SLIT1: variants seen among roughly 807,000 people sequenced by gnomAD.
The protein encoded by SLIT1 is slit homolog 1 protein.
SLIT1 carries 66 observed loss-of-function variants against 186.1 expected under a neutral mutation model. The observed-to-expected ratio is 0.35, with a 90% confidence interval of 0.29 to 0.44. The LOEUF is 0.44. Among genes scored for constraint, SLIT1 ranks in the 20% least tolerant of loss-of-function variants. The pLI, the probability that SLIT1 is intolerant of heterozygous loss-of-function variation, is 1.00. For missense variants in SLIT1, 1,638 were observed against 2,037.4 expected, an observed-to-expected ratio of 0.80 and a Z score of 3.77; for synonymous variants, 761 against 833.8, an observed-to-expected ratio of 0.91 and a Z score of 1.50.
intron 4 of SLIT1, among the ~76,000 whole-genome samples, chr10:97,077,977 G>A (rs1189553633): frequency 6.6e-6 from 1 of 152,128 alleles, no homozygotes; most frequent in Non-Finnish European, 1.5e-5. Context: ...AGGTGTGTTA[G>A]TGTGTCTGTG....
chr10:97,178,790 A>AGTGT (rs57432718), intron 1 of SLIT1, among the ~76,000 whole-genome samples: 5 of 150,680 alleles, frequency 3.3e-5, no homozygotes, highest in South Asian at 2.1e-4. Context: ...AGAGAGAGAA[A>AGTGT]GTGTGTGTGT....
chr10:97,001,557 C>T (rs779639812), intron 36 of SLIT1, among the ~76,000 whole-genome samples: 1 of 152,144 alleles, frequency 6.6e-6, no homozygotes, highest in Non-Finnish European at 1.5e-5. Flanking sequence ...CTGGTCCTAG[C>T]GTCAGGGCCC....
chr10:97,049,207 G>A (rs1440753465), intron 13 of SLIT1, 89 bp from the exon 14 acceptor site: 18 of 1,459,854 alleles, frequency 1.2e-5, no homozygotes, highest in Admixed American at 2.0e-5. Context: ...TGTGGCTGGG[G>A]CCAAGGAGGC....
intron 4 of SLIT1, among the ~76,000 whole-genome samples, chr10:97,070,835 T>C (rs920419096): frequency 1.4e-4 from 22 of 152,316 alleles, no homozygotes; most frequent in African/African-American, 5.1e-4. Context: ...TTTTTGTTTT[T>C]TTAGAGACAA....
chr10:97,116,635 C>A (rs1430353138), intron 4 of SLIT1, among the ~76,000 whole-genome samples: 3 of 152,224 alleles, frequency 2.0e-5, no homozygotes, highest in African/African-American at 4.8e-5. Flanking sequence ...CCAATTAACA[C>A]TCTCAAGAAT....
intron 3 of SLIT1, among the ~76,000 whole-genome samples, chr10:97,162,978 C>A (rs1297318756): frequency 1.3e-5 from 2 of 152,244 alleles, no homozygotes; most frequent in African/African-American, 4.8e-5. Context: ...ACCTAAGACA[C>A]CAATCCCCCG....
intron 4 of SLIT1, among the ~76,000 whole-genome samples, chr10:97,147,335 G>A (rs1211558471): frequency 3.3e-5 from 5 of 152,110 alleles, no homozygotes; most frequent in Non-Finnish European, 7.4e-5. Flanking sequence ...AAACATTTTG[G>A]GTATAGATAG....
At chr10:97,179,800 T>TCCCCCCCCCCCCCCCCCCACCCCCCC (rs150754287) in intron 1 of SLIT1, among the ~76,000 whole-genome samples, 1 of 126,384 alleles carries the variant, frequency 7.9e-6, no homozygotes, top group Non-Finnish European at 1.8e-5. Context: ...CTCCACACCC[T>TCCCCCCCCCCCCCCCCCCACCCCCCC]CCCCGCCCCC....
chr10:97,087,177 A>C (rs1467517819), intron 4 of SLIT1, among the ~76,000 whole-genome samples: 8 of 145,350 alleles, frequency 5.5e-5, no homozygotes, highest in South Asian at 2.3e-4. Flanking sequence ...TGCCGCCACC[A>C]CCCCCCAGCC....
intron 4 of SLIT1, among the ~76,000 whole-genome samples, chr10:97,151,703 T>C (rs1026317105): frequency 1.2e-4 from 18 of 152,154 alleles, no homozygotes; most frequent in Non-Finnish European, 2.4e-4. Flanking sequence ...ACATACCCGC[T>C]GAGCTTGCAT....
intron 6 of SLIT1, 43 bp from the exon 7 acceptor site, chr10:97,064,282 G>C (rs1405178642): frequency 1.9e-6 from 3 of 1,548,364 alleles, no homozygotes; most frequent in Non-Finnish European, 2.7e-6. Flanking sequence ...TGCCCAGCAG[G>C]AGATGATGTG....
chr10:97,136,532 A>G (rs1425304694), intron 4 of SLIT1, among the ~76,000 whole-genome samples: 1 of 152,204 alleles, frequency 6.6e-6, no homozygotes, highest in East Asian at 1.9e-4. Flanking sequence ...AACAAAGTAA[A>G]ACACAACAAA....
At position 97,006,680 on chromosome 10, in the gene SLIT1, T is replaced by C. The variant is rs759964052; in HGVS notation, c.3382A>G (p.Lys1128Glu). 1 of 1,613,990 alleles carries C rather than the reference T, an allele frequency of 6.2e-7. No individual in the cohort carries two copies. The highest frequency in any genetic ancestry group is 1.7e-5 in the Admixed American group (1 of 60,020). Residue 1128 changes from lysine (K) to glutamate (E), a missense_variant, in exon 32 of 37, where the codon AAG (lysine) becomes GAG (glutamate). Physicochemically the swap from Lys to Glu is moderately conservative, Grantham distance 56 (BLOSUM62 1). Transcript: ENST00000266058. This position sits in a 1 kb window ranked among gnomAD's most constrained non-coding sequence, Gnocchi z 4.0. The part of the protein sequence containing the change: ...CEIPPHLPAP[K>E]SPCEGTECQN... ...CACTCAGTCCCCTCACAGGGGCTCTTGGGGGCAGGCAGATGGGGAGGGATC... is the reference window on the plus strand; with the variant it reads ...CACTCAGTCCCCTCACAGGGGCTCTCGGGGGCAGGCAGATGGGGAGGGATC...
At chr10:97,012,075 T>TACACACACACAC (rs35171328) in intron 30 of SLIT1, among the ~76,000 whole-genome samples, 6 of 130,920 alleles carry the variant, frequency 4.6e-5, no homozygotes, top group Middle Eastern at 3.8e-3. Context: ...TCAAGCCCAG[T>TACACACACACAC]ACACACACAC....
intron 4 of SLIT1, among the ~76,000 whole-genome samples, chr10:97,136,049 T>C (rs1849700363): frequency 6.6e-6 from 1 of 152,172 alleles, no homozygotes; most frequent in South Asian, 2.1e-4. Context: ...GATGTCAGCA[T>C]CTGCATTTGG....
At chr10:97,129,466 A>C (rs1849633888) in intron 4 of SLIT1, among the ~76,000 whole-genome samples, 1 of 152,088 alleles carries the variant, frequency 6.6e-6, no homozygotes, top group Non-Finnish European at 1.5e-5. Flanking sequence ...TAAAGTACCC[A>C]TCACAGTGCC....
At chr10:97,037,287 T>C (rs1304283997) in intron 22 of SLIT1, among the ~76,000 whole-genome samples, 3 of 151,958 alleles carry the variant, frequency 2.0e-5, no homozygotes, top group African/African-American at 7.3e-5. Flanking sequence ...AAAGATGGGG[T>C]TTCTCCATGT....
intron 4 of SLIT1, among the ~76,000 whole-genome samples, chr10:97,125,824 G>A (rs932530612): frequency 6.6e-5 from 10 of 152,020 alleles, no homozygotes. Flanking sequence ...GGGCGACAGA[G>A]TGAGACTGTC....
At chr10:97,159,091 A>C (rs1248353822) in intron 3 of SLIT1, among the ~76,000 whole-genome samples, 1 of 152,218 alleles carries the variant, frequency 6.6e-6, no homozygotes, top group African/African-American at 2.4e-5. Flanking sequence ...GAGGGGTCTT[A>C]GAACAAATCC....
Sources: gnomAD v4.1 joint callset for allele counts (sites outside exome capture counted in the v4.1 genomes callset) on GRCh38, gnomAD v4.1.1 for gene constraint, Gnocchi (gnomAD v3.1) non-coding constraint, MANE v1.5 for transcripts, NCBI Gene and HGNC (gene_info 2026-07-23, HGNC 2026-07-21) for gene names.